Variants in TXK observed in about 807,000 individuals in gnomAD.
TXK encodes TXK tyrosine kinase, also known as tyrosine-protein kinase TXK.
A neutral mutation model predicts 81.0 loss-of-function variants in TXK; 60 were observed. That is an observed-to-expected ratio of 0.74 (90% confidence interval 0.60 to 0.92). The LOEUF (loss-of-function observed/expected upper bound fraction) is 0.92. TXK is among the 40% of genes least tolerant of loss of function. TXK has a pLI of 0.00. For synonymous variants in TXK, 203 were observed against 210.7 expected, an observed-to-expected ratio of 0.96 and a Z score of 0.32; for missense variants, 581 against 638.3, an observed-to-expected ratio of 0.91 and a Z score of 0.97.
At chr4:48,095,272 A>G in intron 6 of TXK, 50 bp from the exon 7 acceptor site, 1 of 1,430,744 alleles carries the variant, frequency 7.0e-7, no homozygotes, top group Non-Finnish European at 9.8e-7. Context: ...TTAGAAAGAC[A>G]AACCTACAAC....
chr4:48,076,277 G>T (rs1717064460), intron 12 of TXK, 125 bp downstream of exon 12: 2 of 658,716 alleles, frequency 3.0e-6, no homozygotes, highest in African/African-American at 1.9e-5. Flanking sequence ...ATACAACCAG[G>T]CCTACAACCT....
At chr4:48,070,978 A>G (rs530634346) in intron 14 of TXK, among the ~76,000 whole-genome samples, 1 of 141,314 alleles carries the variant, frequency 7.1e-6, no homozygotes, top group East Asian at 2.1e-4. Context: ...GGCTCACTGC[A>G]AGCTCCGCCT....
chr4:48,081,637 G>A (rs1003367835), intron 10 of TXK, among the ~76,000 whole-genome samples: 6 of 152,002 alleles, frequency 3.9e-5, no homozygotes, highest in Admixed American at 1.3e-4. Flanking sequence ...CTAAGTAATC[G>A]CATTAAGTTT....
intron 10 of TXK, among the ~76,000 whole-genome samples, chr4:48,080,661 A>G (rs1182477332): frequency 1.9e-5 from 1 of 51,598 alleles, no homozygotes; most frequent in Non-Finnish European, 5.3e-5. Context: ...GTATTTGGTA[A>G]TCACACACAC....
chr4:48,132,986 C>A (rs546144748), intron 1 of TXK, among the ~76,000 whole-genome samples: 15 of 151,302 alleles, frequency 9.9e-5, no homozygotes, highest in Non-Finnish European at 2.1e-4. Context: ...CTGCGTCTGA[C>A]AACCATATGA....
At chr4:48,092,847 C>T (rs922732061) in intron 8 of TXK, among the ~76,000 whole-genome samples, 1 of 152,114 alleles carries the variant, frequency 6.6e-6, no homozygotes, top group Non-Finnish European at 1.5e-5. Context: ...TGCCTGGTGA[C>T]TTCACTTTTC....
intron 10 of TXK, among the ~76,000 whole-genome samples, chr4:48,085,544 C>G (rs1717488806): frequency 6.6e-6 from 1 of 152,152 alleles, no homozygotes; most frequent in African/African-American, 2.4e-5. Flanking sequence ...ACCTTCAAGC[C>G]TGGAAACCTG....
Position 48,094,748 on chromosome 4 carries a change from C to CTCACTT in TXK, c.581+394_581+395insAAGTGA, listed in dbSNP as rs564630377. The stretch of plus-strand genomic sequence containing the variant: ...TAGCATTGCTCCTGGGATGTTACCT[C>CTCACTT]TCAGGCACTTTCAGCTTAGCCACGG... On this transcript the variant is annotated intron_variant, in intron 7 of 14. Coordinates refer to ENST00000264316, the MANE Select transcript of TXK (RefSeq NM_003328.3). 7.9e-5 allele frequency among the ~76,000 whole-genome samples: 12 copies of CTCACTT among 152,294 alleles called. No individual in the cohort carries two copies. The South Asian group carries it at 2.5e-3, about 32-fold the overall frequency.
chr4:48,071,330 T>C (rs1280081444), intron 14 of TXK, among the ~76,000 whole-genome samples, 187 bp downstream of exon 14: 1 of 152,220 alleles, frequency 6.6e-6, no homozygotes, highest in African/African-American at 2.4e-5. Flanking sequence ...AAGGCCATTG[T>C]TCAAAACAAA....
intron 3 of TXK, 143 bp downstream of exon 3, chr4:48,113,064 G>A: frequency 2.0e-6 from 1 of 490,402 alleles, no homozygotes; most frequent in Non-Finnish European, 3.6e-6. Flanking sequence ...CTTTCTTCTA[G>A]AACATTCCTT....
At chr4:48,129,364 G>T (rs76849967) in intron 1 of TXK, among the ~76,000 whole-genome samples, 2,333 of 151,940 alleles carry the variant, frequency 0.015, 60 homozygotes, top group African/African-American at 0.051. Flanking sequence ...TATACTGCCA[G>T]TGAAACCTTA....
intron 13 of TXK, 34 bp from the exon 14 acceptor site, chr4:48,071,708 G>A: frequency 1.9e-6 from 3 of 1,606,756 alleles, no homozygotes; most frequent in Non-Finnish European, 2.5e-6. Context: ...CAAGGGGTTA[G>A]AGAGAAATGA....
In TXK at chr4:48,114,354, T is replaced by C; in HGVS notation, c.65A>G (p.Gln22Arg). 2 of 1,614,100 alleles carry C rather than the reference T, an allele frequency of 1.2e-6. No individual in the cohort carries two copies. Among genetic ancestry groups the C allele is most frequent in the South Asian group, 1.1e-5 (1 of 91,082 alleles). The change falls in exon 2 of 15, where the codon CAG becomes CGG. Residue 22 changes from glutamine (Q) to arginine (R), a missense_variant. Gln to Arg is a conservative substitution (Grantham distance 43). Transcript: ENST00000264316. ...CCCTCGGAAGTAGACTTACCGCTTC[T>C]GCACTGAACAGCAACAGCAGCAACA... The part of the protein sequence containing the change: ...VFCCCCCCSV[Q>R]KRQMRTQISL...
At chr4:48,103,264 G>A (rs1269193441) in intron 6 of TXK, among the ~76,000 whole-genome samples, 1 of 152,060 alleles carries the variant, frequency 6.6e-6, no homozygotes, top group African/African-American at 2.4e-5. Flanking sequence ...ACCTCCTCTG[G>A]GACTTTCCTT....
chr4:48,131,651 T>C (rs1719250226), intron 1 of TXK, among the ~76,000 whole-genome samples: 1 of 152,192 alleles, frequency 6.6e-6, no homozygotes, highest in Admixed American at 6.5e-5. Context: ...ATCAAATCCA[T>C]GCCAGAGAGA....
At position 48,133,475 on chromosome 4, in the gene TXK, G is replaced by C. The variant is rs562778302; in HGVS notation, c.16+680C>G. ...TTGACCATGTTCACACTTTTAACCAGGTAGAGACTCGTGACTTTGACTCTT... is the reference window on the plus strand; with the variant it reads ...TTGACCATGTTCACACTTTTAACCACGTAGAGACTCGTGACTTTGACTCTT... On this transcript the variant is annotated intron_variant, in intron 1 of 14. Coordinates refer to ENST00000264316, the MANE Select transcript of TXK (RefSeq NM_003328.3). 6.6e-5 allele frequency among the ~76,000 whole-genome samples: 10 copies of C among 152,256 alleles called. No homozygotes were observed. In the South Asian group the frequency reaches 2.1e-3, roughly 32 times the overall value.
At chr4:48,070,483 T>C (rs906786931) in intron 14 of TXK, among the ~76,000 whole-genome samples, 4 of 152,190 alleles carry the variant, frequency 2.6e-5, no homozygotes, top group Non-Finnish European at 4.4e-5. Flanking sequence ...GTGAAGTAAA[T>C]GGAAACACCA....
At chr4:48,072,386 G>T (rs1255652012) in intron 13 of TXK, among the ~76,000 whole-genome samples, 1 of 152,196 alleles carries the variant, frequency 6.6e-6, no homozygotes, top group Non-Finnish European at 1.5e-5. Context: ...AAACTGACAG[G>T]ATTATGTGAG....
chr4:48,133,017 T>C (rs1310877683), intron 1 of TXK, among the ~76,000 whole-genome samples: 1 of 152,152 alleles, frequency 6.6e-6, no homozygotes, highest in African/African-American at 2.4e-5. Flanking sequence ...AGATTTAAAC[T>C]TTCAAAGGCA....
Sources: allele counts gnomAD v4.1 joint callset (sites outside exome capture counted in the v4.1 genomes callset), GRCh38; gene constraint gnomAD v4.1.1; transcripts MANE v1.5; gene names NCBI Gene and HGNC (gene_info 2026-07-23, HGNC 2026-07-21).